The following SMAD3 variants were observed in gnomAD, a reference collection of about 807,000 sequenced individuals.
SMAD3 encodes the protein SMAD family member 3, also known as MAD homolog 3.
SMAD3 carries 12 observed loss-of-function variants against 51.8 expected under a neutral mutation model. The observed-to-expected ratio is 0.23, with a 90% CI of 0.15 to 0.38. SMAD3 has a LOEUF of 0.38. SMAD3 is among the 10% of genes least tolerant of loss of function. SMAD3 has a pLI of 1.00. For missense variants in SMAD3, 294 were observed against 565.6 expected, an observed-to-expected ratio of 0.52 and a Z score of 4.87; for synonymous variants, 238 against 227.7, an observed-to-expected ratio of 1.05 and a Z score of -0.41.
intron 1 of SMAD3, among the ~76,000 whole-genome samples, chr15:67,093,666 A>AG (rs1555406822): frequency 6.6e-6 from 1 of 152,204 alleles, no homozygotes; most frequent in African/African-American, 2.4e-5. Flanking sequence ...GAGTCCAGAG[A>AG]GCTGCTGCTG....
At chr15:67,137,236 A>G (rs1271179178) in intron 1 of SMAD3, among the ~76,000 whole-genome samples, 2 of 152,180 alleles carry the variant, frequency 1.3e-5, no homozygotes, top group African/African-American at 2.4e-5. Context: ...AGATGTTCCT[A>G]TTTGGTTCAC....
At chr15:67,113,415 A>T (rs557480966) in intron 1 of SMAD3, among the ~76,000 whole-genome samples, 3 of 152,136 alleles carry the variant, frequency 2.0e-5, no homozygotes, top group Non-Finnish European at 4.4e-5. Flanking sequence ...CAAAATCTAC[A>T]TTGTTCAAAA....
chr15:67,084,793 C>T (rs756159476), intron 1 of SMAD3, among the ~76,000 whole-genome samples: 4 of 152,156 alleles, frequency 2.6e-5, no homozygotes, highest in African/African-American at 9.7e-5. Context: ...TTCTAGGCAC[C>T]GGCTGCATTC....
chr15:67,181,543 A>G, intron 6 of SMAD3, 90 bp downstream of exon 6: 6 of 1,102,386 alleles, frequency 5.4e-6, no homozygotes, highest in Non-Finnish European at 7.9e-6. Context: ...CAGCCTCTGA[A>G]GGGAACCTTG....
intron 1 of SMAD3, among the ~76,000 whole-genome samples, chr15:67,128,555 G>A (rs773851022): frequency 2.6e-5 from 4 of 151,358 alleles, no homozygotes; most frequent in Non-Finnish European, 5.9e-5. Context: ...TTTTTTCAAG[G>A]CCAACTTAAG....
intron 1 of SMAD3, among the ~76,000 whole-genome samples, chr15:67,068,300 A>G (rs1394042696): frequency 1.3e-5 from 2 of 152,234 alleles, no homozygotes; most frequent in East Asian, 3.8e-4. Context: ...GAAGATCCTG[A>G]ATACATTCTT....
intron 1 of SMAD3, among the ~76,000 whole-genome samples, chr15:67,135,127 G>A (rs974116897): frequency 3.3e-5 from 5 of 152,278 alleles, no homozygotes; most frequent in Middle Eastern, 3.4e-3. Flanking sequence ...GAAGATGGCC[G>A]GGAAGAGCTG....
At chr15:67,102,573 C>T (rs1343626660) in intron 1 of SMAD3, among the ~76,000 whole-genome samples, 1 of 151,988 alleles carries the variant, frequency 6.6e-6, no homozygotes, top group Admixed American at 6.6e-5. Flanking sequence ...CAGGGCCATA[C>T]TGGGATGACC....
Position 67,074,556 on chromosome 15 carries a change from C to A in SMAD3, c.206+8196C>A, listed in dbSNP as rs901840499. ...TAGGAAATGAAAAGTGAGTTTCCTC[C>A]TAAATAGTTCTTTTTCAGTATCACA... On this transcript the variant is annotated intron_variant, in intron 1 of 8. Coordinates refer to ENST00000327367, the MANE Select transcript of SMAD3 (RefSeq NM_005902.4). Among the ~76,000 whole-genome samples, 3 of 152,234 alleles carry A rather than the reference C, an allele frequency of 2.0e-5. No homozygotes were observed. The South Asian group carries it at 6.2e-4, about 31-fold the overall frequency.
chr15:67,105,689 A>G (rs963679083), intron 1 of SMAD3, among the ~76,000 whole-genome samples: 1 of 152,214 alleles, frequency 6.6e-6, no homozygotes, highest in African/African-American at 2.4e-5. Context: ...GACAGGGCAC[A>G]GGAGGGAGAA....
intron 1 of SMAD3, among the ~76,000 whole-genome samples, chr15:67,126,558 C>A (rs1441317224): frequency 6.6e-6 from 1 of 152,182 alleles, no homozygotes; most frequent in African/African-American, 2.4e-5. Flanking sequence ...AGACATTAAA[C>A]CTGTACCACC....
intron 1 of SMAD3, among the ~76,000 whole-genome samples, chr15:67,126,975 T>TA (rs1961405425): frequency 6.6e-6 from 1 of 152,216 alleles, no homozygotes; most frequent in African/African-American, 2.4e-5. Flanking sequence ...GGGCAGCTCT[T>TA]ACGGCCACTG....
chr15:67,098,932 T>C (rs1960684558), intron 1 of SMAD3: 3 of 702,246 alleles, frequency 4.3e-6, no homozygotes, highest in Non-Finnish European at 7.8e-6. Context: ...AGGCAGCCCA[T>C]GGAGATGGGA....
chr15:67,086,092 G>A (rs866613308), intron 1 of SMAD3, among the ~76,000 whole-genome samples: 1 of 151,886 alleles, frequency 6.6e-6, no homozygotes, highest in African/African-American at 2.4e-5. Context: ...AGTACAAAGT[G>A]GGGGGTGGTG....
chr15:67,095,170 TG>T (rs556830466), intron 1 of SMAD3, among the ~76,000 whole-genome samples: 4 of 152,172 alleles, frequency 2.6e-5, no homozygotes, highest in Non-Finnish European at 5.9e-5. Context: ...CCTGCTTTAC[TG>T]GGTGGACAAA....
intron 1 of SMAD3, among the ~76,000 whole-genome samples, chr15:67,094,220 C>T (rs943909004): frequency 1.3e-5 from 2 of 152,184 alleles, no homozygotes; most frequent in Non-Finnish European, 2.9e-5. Flanking sequence ...ATCCACCAAC[C>T]ATCAGATGTT....
chr15:67,102,778 G>A (rs1354534137), intron 1 of SMAD3, among the ~76,000 whole-genome samples: 1 of 151,994 alleles, frequency 6.6e-6, no homozygotes, highest in African/African-American at 2.4e-5. Flanking sequence ...CCTTAGCTTG[G>A]TATTTAAAGT....
chr15:67,119,176 G>C (rs1961202410), intron 1 of SMAD3, among the ~76,000 whole-genome samples: 1 of 152,194 alleles, frequency 6.6e-6, no homozygotes, highest in Admixed American at 6.5e-5. Flanking sequence ...AAGCAAGATG[G>C]TGCACAGTGA....
At chr15:67,168,776 C>T (rs1228554653) in intron 4 of SMAD3, among the ~76,000 whole-genome samples, 1 of 152,152 alleles carries the variant, frequency 6.6e-6, no homozygotes, top group Non-Finnish European at 1.5e-5. Context: ...AGAGACAGAC[C>T]AGACTTGCGG....
Sources: gnomAD v4.1 joint callset for allele counts (sites outside exome capture counted in the v4.1 genomes callset) on GRCh38, gnomAD v4.1.1 for gene constraint, MANE v1.5 for transcripts, NCBI Gene and HGNC (gene_info 2026-07-23, HGNC 2026-07-21) for gene names.